IQGAP1: variants seen among roughly 807,000 people sequenced by gnomAD.
IQGAP1 encodes ras GTPase-activating-like protein IQGAP1.
A neutral mutation model predicts 215.6 loss-of-function variants in IQGAP1; 66 were observed. The observed-to-expected ratio is 0.31, with a 90% CI of 0.25 to 0.38. The LOEUF (loss-of-function observed/expected upper bound fraction) is 0.38, where lower values mean the gene tolerates loss of function less well. IQGAP1 is among the 10% of genes least tolerant of loss of function. The pLI is 1.00. For missense variants in IQGAP1, 1,712 were observed against 1,997.1 expected, an observed-to-expected ratio of 0.86 and a Z score of 2.72; for synonymous variants, 772 against 728.7, an observed-to-expected ratio of 1.06 and a Z score of -0.96.
At chr15:90,424,139 G>A (rs1965187451) in intron 2 of IQGAP1, among the ~76,000 whole-genome samples, 1 of 152,060 alleles carries the variant, frequency 6.6e-6, no homozygotes, top group Admixed American at 6.5e-5. Flanking sequence ...CTGAGAGCTG[G>A]AGTTGCCAGT....
chr15:90,431,275 A>G (rs1171786915), intron 4 of IQGAP1: 1 of 151,876 alleles, frequency 6.6e-6, no homozygotes, highest in Non-Finnish European at 1.5e-5. Flanking sequence ...ATTAGGCCCC[A>G]CAATTGTTAG....
intron 11 of IQGAP1, 107 bp downstream of exon 11, chr15:90,449,750 C>A: frequency 2.4e-6 from 2 of 830,732 alleles, no homozygotes; most frequent in South Asian, 1.9e-5. Flanking sequence ...GCCTACTAGC[C>A]ATAACCAACT....
At chr15:90,415,092 A>G (rs1965026377) in intron 2 of IQGAP1, among the ~76,000 whole-genome samples, 1 of 152,220 alleles carries the variant, frequency 6.6e-6, no homozygotes, top group African/African-American at 2.4e-5. Context: ...ACACTGGACA[A>G]CAATGTTATT....
chr15:90,449,840 A>G (rs1344288867), intron 11 of IQGAP1, among the ~76,000 whole-genome samples, 197 bp downstream of exon 11: 1 of 152,162 alleles, frequency 6.6e-6, no homozygotes, highest in Non-Finnish European at 1.5e-5. Flanking sequence ...AGTTGTACAT[A>G]TTTTGAGGGT....
chr15:90,474,592 G>C lies in IQGAP1; in HGVS notation c.2683G>C (p.Glu895Gln). The change falls in exon 23 of 38, where the codon GAG (glutamate) becomes CAG (glutamine). Residue 895 changes from glutamate (E) to glutamine (Q), a missense_variant. Physicochemically the swap from Glu to Gln is conservative, Grantham distance 29. Around this residue, in one of 2 missense-constraint regions of IQGAP1, gnomAD observed 1,021 missense variants for 1,074.2 expected, o/e 0.95. Transcript: ENST00000268182. ...EELDLMKMRE[E>Q]VITLIRSNQQ... Reference sequence around the variant, plus strand: ...GCTTGACCTTATGAAGATGCGGGAAGAGGTTATCACCCTCATTCGTTCTAA... The same window carrying C: ...GCTTGACCTTATGAAGATGCGGGAACAGGTTATCACCCTCATTCGTTCTAA... The C allele has an allele frequency of 7.4e-6, 12 of 1,613,984 alleles. No individual in the cohort carries two copies. The highest frequency in any genetic ancestry group is 1.0e-5 in the Non-Finnish European group (12 of 1,179,838).
intron 6 of IQGAP1, among the ~76,000 whole-genome samples, chr15:90,439,813 T>A (rs1965423778): frequency 1.3e-5 from 2 of 152,242 alleles, no homozygotes; most frequent in African/African-American, 4.8e-5. Context: ...AGATGCCAAT[T>A]TAGTAATTTT....
Position 90,474,115 on chromosome 15 carries a change from G to A in IQGAP1, c.2557G>A (p.Asp853Asn). Residue 853 changes from aspartate (D) to asparagine (N), a missense_variant, in exon 22 of 38, where the codon GAT (aspartate) becomes AAT (asparagine). By Grantham distance (23) the Asp-to-Asn change is conservative. Coordinates refer to ENST00000268182, the MANE Select transcript of IQGAP1 (RefSeq NM_003870.4). ...QAFIRANKAR[D>N]DYKTLINAED... is the part of the protein sequence containing the mutation. ...TTTTATTCGGGCAAACAAAGCTCGG[G>A]ATGACTACAAGACTCTCAGTGAGTA... 1 of 1,613,168 alleles carries A rather than the reference G, an allele frequency of 6.2e-7. No individual in the cohort carries two copies.
At chr15:90,411,194 G>A (rs1400669024) in intron 2 of IQGAP1, among the ~76,000 whole-genome samples, 1 of 152,170 alleles carries the variant, frequency 6.6e-6, no homozygotes, top group African/African-American at 2.4e-5. Context: ...CCTCTCTCAT[G>A]TATCTTTATT....
intron 2 of IQGAP1, among the ~76,000 whole-genome samples, chr15:90,422,560 TAAC>T (rs1965152291): frequency 2.0e-5 from 3 of 146,994 alleles, no homozygotes; most frequent in African/African-American, 5.0e-5. Flanking sequence ...AACTATATAA[TAAC>T]ATGGAAAATA....
chr15:90,402,454 T>G (rs1964816878), intron 2 of IQGAP1, among the ~76,000 whole-genome samples: 1 of 152,158 alleles, frequency 6.6e-6, no homozygotes, highest in South Asian at 2.1e-4. Flanking sequence ...TGTTGACTCA[T>G]TGGAAATCAT....
intron 33 of IQGAP1, among the ~76,000 whole-genome samples, chr15:90,490,226 G>T (rs888189487): frequency 2.6e-5 from 4 of 152,232 alleles, no homozygotes; most frequent in Non-Finnish European, 5.9e-5. Flanking sequence ...GGCAGTCAAT[G>T]AAGTATTGAG....
intron 15 of IQGAP1, among the ~76,000 whole-genome samples, chr15:90,461,684 C>T (rs571794222): frequency 1.3e-5 from 2 of 152,134 alleles, no homozygotes; most frequent in African/African-American, 4.8e-5. Flanking sequence ...ACTAAAAATA[C>T]AGGTGTGGTG....
At position 90,481,941 on chromosome 15, in the gene IQGAP1, A is replaced by T; in HGVS notation, c.3330-19A>T. The T allele has an allele frequency of 6.2e-7, 1 of 1,613,864 alleles. No individual in the cohort carries two copies. The highest frequency in any genetic ancestry group is 1.1e-5 in the South Asian group (1 of 91,054). On this transcript the variant is annotated intron_variant, in intron 26 of 37. Transcript: ENST00000268182. Reference sequence around the variant, plus strand: ...GGCTGTTAGTCTAACATAGTTGGGTATAATTTCTGTCTTCCCAGCAAACTG... The same window carrying T: ...GGCTGTTAGTCTAACATAGTTGGGTTTAATTTCTGTCTTCCCAGCAAACTG...
chr15:90,474,854 C>T (rs575514092), intron 23 of IQGAP1, 161 bp downstream of exon 23: 5 of 607,582 alleles, frequency 8.2e-6, no homozygotes, highest in African/African-American at 1.9e-5. Context: ...ACTCTGTTGC[C>T]CAGGTTGTAG....
intron 6 of IQGAP1, 31 bp downstream of exon 6, chr15:90,439,430 T>C: frequency 6.4e-7 from 1 of 1,567,840 alleles, no homozygotes; most frequent in Non-Finnish European, 8.8e-7. Context: ...CAGGAAATGC[T>C]TGAATTATGT....
chr15:90,418,575 C>A (rs145362628), intron 2 of IQGAP1, among the ~76,000 whole-genome samples: 1 of 146,658 alleles, frequency 6.8e-6, no homozygotes, highest in Non-Finnish European at 1.5e-5. Context: ...GGTGGCAGAG[C>A]GAGACACTGT....
chr15:90,480,429 T>C (rs899996429), intron 26 of IQGAP1, among the ~76,000 whole-genome samples: 2 of 152,190 alleles, frequency 1.3e-5, no homozygotes, highest in Non-Finnish European at 2.9e-5. Flanking sequence ...TCAAAGTTAA[T>C]GTTCTGTTCT....
intron 9 of IQGAP1, among the ~76,000 whole-genome samples, chr15:90,447,423 GA>G (rs772634003): frequency 4.0e-4 from 61 of 151,966 alleles, no homozygotes; most frequent in Non-Finnish European, 6.6e-4. Flanking sequence ...GGGCTGTTTT[GA>G]TTTTCTTTAT....
chr15:90,493,489 G>A (rs1383834799), intron 35 of IQGAP1, among the ~76,000 whole-genome samples: 1 of 152,220 alleles, frequency 6.6e-6, no homozygotes, highest in Non-Finnish European at 1.5e-5. Context: ...AAAACCCAGA[G>A]AGGTGGGTGA....
Sources: gnomAD v4.1 joint callset for allele counts (sites outside exome capture counted in the v4.1 genomes callset) on GRCh38, gnomAD v4.1.1 for gene constraint, gnomAD v4.1.1 regional missense constraint, MANE v1.5 for transcripts, NCBI Gene and HGNC (gene_info 2026-07-23, HGNC 2026-07-21) for gene names.